The following TNS1 variants were observed in gnomAD, a reference collection of about 807,000 sequenced individuals.
TNS1 encodes tensin-1.
TNS1 carries 62 observed loss-of-function variants against 168.6 expected under a neutral mutation model. That is an observed-to-expected ratio of 0.37 (90% CI 0.30 to 0.45). TNS1 has a LOEUF of 0.45. Among genes scored for constraint, TNS1 ranks in the 20% least tolerant of loss-of-function variants. The probability of loss-of-function intolerance (pLI) is 1.00; values close to 1 mark genes in which losing one functional copy is unlikely to be tolerated. For synonymous variants in TNS1, 934 were observed against 933.2 expected (o/e 1.00, Z -0.02); for missense variants, 2,240 against 2,339.4 (o/e 0.96, Z 0.88).
chr2:217,903,773 A>C (rs927979724), intron 6 of TNS1: 1 of 642,374 alleles, frequency 1.6e-6, no homozygotes, highest in Non-Finnish European at 2.7e-6. Flanking sequence ...TCCTCATTGC[A>C]GGCAAGAGTG....
At chr2:217,843,410 C>T (rs944644808) in intron 19 of TNS1, among the ~76,000 whole-genome samples, 1 of 151,924 alleles carries the variant, frequency 6.6e-6, no homozygotes, top group Non-Finnish European at 1.5e-5. Context: ...ATTCTCATGA[C>T]TCTTATATTT....
chr2:217,982,410 T>G (rs1958078095), intron 2 of TNS1, among the ~76,000 whole-genome samples: 1 of 151,316 alleles, frequency 6.6e-6, no homozygotes, highest in African/African-American at 2.4e-5. Context: ...CTTTTTTTTT[T>G]TTTTTTTAGA....
At chr2:217,872,569 A>T (rs1263895643) in intron 18 of TNS1, among the ~76,000 whole-genome samples, 1 of 152,232 alleles carries the variant, frequency 6.6e-6, no homozygotes, top group Non-Finnish European at 1.5e-5. Flanking sequence ...GTGGGTGAGG[A>T]TGCGGAGGAA....
chr2:217,907,361 A>T, intron 4 of TNS1, 110 bp from the exon 5 acceptor site: 1 of 679,244 alleles, frequency 1.5e-6, no homozygotes, highest in East Asian at 2.7e-5. Flanking sequence ...TGAGACAGGG[A>T]TGATGAGGCC....
chr2:217,818,256 T>C lies in TNS1; in HGVS notation c.4076A>G (p.Gln1359Arg). The C allele has an allele frequency of 1.2e-6, 2 of 1,613,226 alleles. No individual in the cohort carries two copies. The highest frequency in any genetic ancestry group is 1.7e-6 in the Non-Finnish European group (2 of 1,179,646). The change falls in exon 24 of 33, where the codon CAG (glutamine) becomes CGG (arginine). Residue 1359 changes from glutamine to arginine, a missense_variant. By Grantham distance (43) the Gln-to-Arg change is conservative. This residue lies in a region of TNS1 where 2,131 missense variants were observed against 2,171.2 expected (regional missense o/e 0.98). Transcript: ENST00000682258. ...CACTTTGTTGTGGAGGCCAGAAACCTGGTAGACCCCTGCTGGGTGCCGACA... is the reference window on the plus strand; with the variant it reads ...CACTTTGTTGTGGAGGCCAGAAACCCGGTAGACCCCTGCTGGGTGCCGACA... ...SLCRHPAGVY[Q>R]VSGLHNKVAT...
At chr2:217,806,228 A>G (rs1431306803) in intron 32 of TNS1, among the ~76,000 whole-genome samples, 1 of 152,256 alleles carries the variant, frequency 6.6e-6, no homozygotes. Flanking sequence ...GCAATAGCCC[A>G]GTCCTGTCAT....
At chr2:217,906,940 G>A (rs1206877584) in intron 5 of TNS1, among the ~76,000 whole-genome samples, 1 of 152,098 alleles carries the variant, frequency 6.6e-6, no homozygotes, top group Non-Finnish European at 1.5e-5. Flanking sequence ...TTAACCACCG[G>A]CTGCTCCCTC....
chr2:217,844,397 C>CAGGTAAG (rs1261964066), intron 19 of TNS1, among the ~76,000 whole-genome samples: 1 of 152,116 alleles, frequency 6.6e-6, no homozygotes, highest in African/African-American at 2.4e-5. Context: ...ACATTGCTGC[C>CAGGTAAG]AGGTAAGATG....
At chr2:217,877,360 A>T (rs1950288941) in intron 18 of TNS1, among the ~76,000 whole-genome samples, 1 of 152,214 alleles carries the variant, frequency 6.6e-6, no homozygotes, top group African/African-American at 2.4e-5. Flanking sequence ...GGAGGTAGAA[A>T]GGGATTTGGA....
At chr2:217,806,942 C>G (rs1041336926) in intron 32 of TNS1, among the ~76,000 whole-genome samples, 4 of 152,214 alleles carry the variant, frequency 2.6e-5, no homozygotes, top group African/African-American at 9.6e-5. Context: ...CTCATTTTGA[C>G]CTGTCCAAAT....
intron 3 of TNS1, among the ~76,000 whole-genome samples, chr2:217,924,614 T>G (rs1441848207): frequency 1.3e-5 from 2 of 152,200 alleles, no homozygotes; most frequent in Admixed American, 6.5e-5. Context: ...CGCTGCCATT[T>G]GTTAAGCACC....
chr2:217,964,215 G>T (rs1026452043), intron 3 of TNS1, among the ~76,000 whole-genome samples: 2 of 152,206 alleles, frequency 1.3e-5, no homozygotes, highest in African/African-American at 4.8e-5. Flanking sequence ...ATAATTGCTA[G>T]CATTTATCTA....
At chr2:218,013,524 C>T (rs568313730), upstream of TNS1, among the ~76,000 whole-genome samples, 4 of 152,162 alleles carry the variant, frequency 2.6e-5, 1 homozygote, top group South Asian at 4.1e-4. Context: ...CCAACAGTGG[C>T]CCCCAGCTCC....
intron 18 of TNS1, among the ~76,000 whole-genome samples, chr2:217,854,563 C>T (rs1947901089): frequency 6.6e-6 from 1 of 152,184 alleles, no homozygotes; most frequent in African/African-American, 2.4e-5. Context: ...ACCGTGCCTA[C>T]CCCAGACATA....
chr2:218,010,020 G>C (rs1261262776), intron 1 of TNS1: 1 of 369,652 alleles, frequency 2.7e-6, no homozygotes, highest in African/African-American at 2.2e-5. Flanking sequence ...GAATGCCCAG[G>C]AGACTGCGGG....
At chr2:218,000,661 C>T (rs557322501) in intron 1 of TNS1, among the ~76,000 whole-genome samples, 25 of 152,358 alleles carry the variant, frequency 1.6e-4, no homozygotes, top group Non-Finnish European at 3.1e-4. Flanking sequence ...CTTTACCAAG[C>T]CTGCCCATAC....
chr2:217,901,065 T>G (rs1448192046), intron 6 of TNS1, among the ~76,000 whole-genome samples: 2 of 152,174 alleles, frequency 1.3e-5, no homozygotes, highest in East Asian at 3.9e-4. Context: ...GCCATGCTCC[T>G]GAGGGCCCAC....
chr2:217,967,713 C>T (rs951148461), intron 3 of TNS1, among the ~76,000 whole-genome samples: 7 of 152,144 alleles, frequency 4.6e-5, no homozygotes, highest in African/African-American at 1.7e-4. Flanking sequence ...GATGGCTTCA[C>T]AGGTTTAAAT....
At chr2:217,904,600 C>T (rs1326614863) in intron 6 of TNS1, among the ~76,000 whole-genome samples, 4 of 152,164 alleles carry the variant, frequency 2.6e-5, no homozygotes, top group Non-Finnish European at 5.9e-5. Flanking sequence ...TTACCCACCC[C>T]GACACACAGG....
Sources: allele counts gnomAD v4.1 joint callset (sites outside exome capture counted in the v4.1 genomes callset), GRCh38; gene constraint gnomAD v4.1.1; regional missense constraint gnomAD v4.1.1; transcripts MANE v1.5; gene names NCBI Gene and HGNC (gene_info 2026-07-23, HGNC 2026-07-21).